Variants in CCSER1 observed in about 807,000 individuals in gnomAD.
CCSER1 encodes the protein coiled-coil serine rich protein 1.
CCSER1 carries 41 observed loss-of-function variants against 82.0 expected under a neutral mutation model. That is an observed-to-expected ratio of 0.50 (90% confidence interval 0.39 to 0.65). The LOEUF (loss-of-function observed/expected upper bound fraction) is 0.65, where lower values mean the gene tolerates loss of function less well. Ranked by LOEUF, CCSER1 falls within the 30% of genes least tolerant of loss-of-function variation. The probability of loss-of-function intolerance (pLI) is 0.00; values close to 1 mark genes in which losing one functional copy is unlikely to be tolerated. For synonymous variants in CCSER1, 414 were observed against 383.9 expected, an observed-to-expected ratio of 1.08 and a Z score of -0.92; for missense variants, 1,119 against 1,064.2, an observed-to-expected ratio of 1.05 and a Z score of -0.72.
In CCSER1 at chr4:90,536,885, A is replaced by G. The variant is rs989531577; in HGVS notation, c.1724+68531A>G. 6.6e-5 allele frequency among the ~76,000 whole-genome samples: 10 copies of G among 152,330 alleles called. No individual in the cohort carries two copies. In the East Asian group the frequency reaches 1.5e-3, roughly 23 times the overall value. On this transcript the variant is annotated intron_variant, in intron 5 of 10. Coordinates refer to ENST00000509176, the MANE Select transcript of CCSER1 (RefSeq NM_001145065.2). ...GAAGACTGATGAAAACAGAATTTCC[A>G]AAGTCCCTAGGTGTTGAAAACGCTT... is the stretch of plus-strand genomic sequence containing the variant.
intron 5 of CCSER1, among the ~76,000 whole-genome samples, chr4:90,586,256 A>G (rs1782012105): frequency 6.6e-6 from 1 of 151,704 alleles, no homozygotes; most frequent in Non-Finnish European, 1.5e-5. Flanking sequence ...ATACCCCCCC[A>G]CCCCAGTTTT....
chr4:90,325,269 A>C (rs1450051821), intron 3 of CCSER1, among the ~76,000 whole-genome samples: 2 of 152,184 alleles, frequency 1.3e-5, no homozygotes, highest in African/African-American at 4.8e-5. Flanking sequence ...AGCAGTATGA[A>C]ATATGTATGT....
At chr4:90,905,085 T>TA (rs1474957519) in intron 8 of CCSER1, among the ~76,000 whole-genome samples, 1 of 152,070 alleles carries the variant, frequency 6.6e-6, no homozygotes, top group Admixed American at 6.6e-5. Flanking sequence ...ATCTAACTCT[T>TA]ATTTTGAGTC....
intron 8 of CCSER1, among the ~76,000 whole-genome samples, chr4:90,843,727 T>A (rs1762849504): frequency 6.6e-6 from 1 of 152,166 alleles, no homozygotes; most frequent in Non-Finnish European, 1.5e-5. Context: ...TACAAAACAT[T>A]TTTTAAAAAC....
chr4:90,902,803 G>T lies in CCSER1; in HGVS notation c.2095-20567G>T, dbSNP rs115150065. Among the ~76,000 whole-genome samples, 822 of 152,094 alleles carry T rather than the reference G, an allele frequency of 5.4e-3. 9 individuals are homozygous for T. The highest frequency in any genetic ancestry group is 0.019 in the African/African-American group (769 of 41,518). ...TAACATCTGTCTTGCCCTCAAGTAGGTTGATGATGAGTGGAAGCACCTGCC... is the reference window on the plus strand; with the variant it reads ...TAACATCTGTCTTGCCCTCAAGTAGTTTGATGATGAGTGGAAGCACCTGCC... On this transcript the variant is annotated intron_variant, in intron 8 of 10. Coordinates refer to ENST00000509176, the MANE Select transcript of CCSER1 (RefSeq NM_001145065.2).
chr4:91,033,617 C>T (rs1531403), intron 9 of CCSER1, among the ~76,000 whole-genome samples: 1 of 151,982 alleles, frequency 6.6e-6, no homozygotes, highest in South Asian at 2.1e-4. Flanking sequence ...TTTCTACTCA[C>T]GCTATCATGA....
intron 10 of CCSER1, among the ~76,000 whole-genome samples, chr4:91,517,733 T>C (rs560616608): frequency 6.7e-6 from 1 of 148,176 alleles, no homozygotes; most frequent in African/African-American, 2.5e-5. Context: ...GCTGGTTCTT[T>C]CAGTTCTTTC....
intron 9 of CCSER1, among the ~76,000 whole-genome samples, chr4:90,961,825 C>T (rs1734079308): frequency 6.6e-6 from 1 of 151,964 alleles, no homozygotes; most frequent in Non-Finnish European, 1.5e-5. Flanking sequence ...TTGTTTTAAA[C>T]AGTTCCTTTT....
intron 7 of CCSER1, among the ~76,000 whole-genome samples, chr4:90,741,916 T>G (rs570371490): frequency 6.6e-6 from 1 of 152,344 alleles, no homozygotes; most frequent in East Asian, 1.9e-4. Context: ...ATTCTCACAC[T>G]GCTTTAAAGA....
At chr4:91,549,200 A>G (rs1161362099) in intron 10 of CCSER1, among the ~76,000 whole-genome samples, 1 of 151,958 alleles carries the variant, frequency 6.6e-6, no homozygotes, top group Non-Finnish European at 1.5e-5. Context: ...GGTCTCTAGT[A>G]GTTCTTTTTT....
chr4:90,434,403 C>A (rs1758732282), intron 4 of CCSER1, among the ~76,000 whole-genome samples: 1 of 152,124 alleles, frequency 6.6e-6, no homozygotes, highest in Non-Finnish European at 1.5e-5. Flanking sequence ...TATTCTTAGA[C>A]ATAGGGAAAT....
At chr4:91,153,664 A>T (rs977428505) in intron 10 of CCSER1, among the ~76,000 whole-genome samples, 2 of 151,634 alleles carry the variant, frequency 1.3e-5, no homozygotes, top group Non-Finnish European at 2.9e-5. Context: ...GTCTTTGATG[A>T]TTGTGACATA....
At chr4:91,205,570 A>G (rs1023649189) in intron 10 of CCSER1, among the ~76,000 whole-genome samples, 2 of 151,424 alleles carry the variant, frequency 1.3e-5, no homozygotes, top group African/African-American at 2.4e-5. Flanking sequence ...TTTCACTAAT[A>G]CTTTTCCTTT....
At chr4:91,541,766 T>G (rs1761612311) in intron 10 of CCSER1, among the ~76,000 whole-genome samples, 1 of 152,180 alleles carries the variant, frequency 6.6e-6, no homozygotes, top group African/African-American at 2.4e-5. Context: ...TTGGGTCAAA[T>G]GGTATTTCTA....
chr4:90,629,253 T>A (rs1433932656), intron 6 of CCSER1, among the ~76,000 whole-genome samples: 2 of 152,140 alleles, frequency 1.3e-5, no homozygotes, highest in Non-Finnish European at 2.9e-5. Flanking sequence ...GGGCTTCCAG[T>A]AATGTGTTCT....
In CCSER1 at chr4:90,534,292, G is replaced by A. The variant is rs925958389; in HGVS notation, c.1724+65938G>A. 9.2e-5 allele frequency among the ~76,000 whole-genome samples: 14 copies of A among 152,280 alleles called. No homozygotes were observed. The South Asian group carries it at 1.7e-3, about 18-fold the overall frequency. On this transcript the variant is annotated intron_variant, in intron 5 of 10. Transcript: ENST00000509176. ...CTACAGGCGCCCGCCACCACGCCTGGCTAATTTTGTGTATTTTTAGTAGAG... is the reference window on the plus strand; with the variant it reads ...CTACAGGCGCCCGCCACCACGCCTGACTAATTTTGTGTATTTTTAGTAGAG...
At chr4:91,591,757 A>T (rs1259546693) in intron 10 of CCSER1, among the ~76,000 whole-genome samples, 3 of 152,164 alleles carry the variant, frequency 2.0e-5, no homozygotes, top group Non-Finnish European at 4.4e-5. Context: ...TTACCCAAAG[A>T]TGTATGTACC....
chr4:90,660,887 A>G (rs1291510283), intron 6 of CCSER1, among the ~76,000 whole-genome samples: 1 of 152,180 alleles, frequency 6.6e-6, no homozygotes, highest in African/African-American at 2.4e-5. Flanking sequence ...GCAAAGTAGC[A>G]TATTAATAAT....
intron 5 of CCSER1, among the ~76,000 whole-genome samples, chr4:90,495,675 T>G (rs1768874438): frequency 6.6e-6 from 1 of 152,188 alleles, no homozygotes; most frequent in Non-Finnish European, 1.5e-5. Context: ...ATAGATTATA[T>G]CATAATGTCA....
Sources: allele counts gnomAD v4.1 joint callset (sites outside exome capture counted in the v4.1 genomes callset), GRCh38; gene constraint gnomAD v4.1.1; transcripts MANE v1.5; gene names NCBI Gene and HGNC (gene_info 2026-07-23, HGNC 2026-07-21).